The following GAR1 variants were observed in gnomAD, a reference collection of about 807,000 sequenced individuals.
The protein encoded by GAR1 is GAR1 ribonucleoprotein.
In GAR1, 11 loss-of-function variants were observed where a neutral mutation model predicts 29.3. The observed-to-expected ratio is 0.38, with a 90% CI of 0.24 to 0.62. The LOEUF (loss-of-function observed/expected upper bound fraction) is 0.62. Among genes scored for constraint, GAR1 ranks in the 20% least tolerant of loss-of-function variants. The pLI is 0.62. For synonymous variants in GAR1, 87 were observed against 93.3 expected (o/e 0.93, Z 0.39); for missense variants, 237 against 268.4 (o/e 0.88, Z 0.82).
At chr4:109,822,207 C>A in intron 4 of GAR1, 140 bp from the exon 5 acceptor site, 5 of 398,980 alleles carry the variant, frequency 1.3e-5, no homozygotes, top group East Asian at 5.1e-5. Context: ...GAAATTAAGT[C>A]TCTACCCAGG....
chr4:109,822,506 A>G lies in GAR1; in HGVS notation c.571+18A>G. On this transcript the variant is annotated intron_variant, in intron 5 of 6. Coordinates refer to ENST00000226796, the MANE Select transcript of GAR1 (RefSeq NM_018983.4). The stretch of plus-strand genomic sequence containing the variant: ...CAGAGGCGGTAAGTTACTTGGGGAA[A>G]ATTTCTAATGAAATTAACTGTGACT... 6.3e-7 allele frequency: 1 copy of G among 1,587,166 alleles called. No individual in the cohort carries two copies. Among genetic ancestry groups the G allele is most frequent in the East Asian group, 2.3e-5 (1 of 44,286 alleles).
chr4:109,817,816 G>T, intron 2 of GAR1, 120 bp from the exon 3 acceptor site: 1 of 711,438 alleles, frequency 1.4e-6, no homozygotes. Context: ...GTGGTCTTCT[G>T]CCTCAGAGGA....
chr4:109,822,497 C>G lies in GAR1; in HGVS notation c.571+9C>G. 1 of 1,588,892 alleles carries G rather than the reference C, an allele frequency of 6.3e-7. No individual in the cohort carries two copies. Among genetic ancestry groups the G allele is most frequent in the Non-Finnish European group, 8.5e-7 (1 of 1,172,280 alleles). Reference sequence around the variant, plus strand: ...AGGTGGTGGCAGAGGCGGTAAGTTACTTGGGGAAAATTTCTAATGAAATTA... The same window carrying G: ...AGGTGGTGGCAGAGGCGGTAAGTTAGTTGGGGAAAATTTCTAATGAAATTA... On this transcript the variant is annotated intron_variant, in intron 5 of 6. Coordinates refer to ENST00000226796, the MANE Select transcript of GAR1 (RefSeq NM_018983.4).
chr4:109,822,528 G>T (rs1437025519), intron 5 of GAR1, 40 bp downstream of exon 5: 2 of 1,570,790 alleles, frequency 1.3e-6, no homozygotes, highest in South Asian at 2.3e-5. Flanking sequence ...AATTAACTGT[G>T]ACTTTCACAG....
intron 3 of GAR1, among the ~76,000 whole-genome samples, chr4:109,818,453 CTCTTTCTCTCTTTCTT>C (rs1318652667): frequency 2.0e-5 from 3 of 151,804 alleles, no homozygotes; most frequent in South Asian, 4.1e-4. Context: ...CTCTCTTTTT[CTCTTTCTCTCTTTCTT>C]TCTTTCTCTC....
At chr4:109,819,890 G>A (rs887795652) in intron 4 of GAR1, among the ~76,000 whole-genome samples, 1 of 152,228 alleles carries the variant, frequency 6.6e-6, no homozygotes, top group Non-Finnish European at 1.5e-5. Flanking sequence ...GGTGGGGAAA[G>A]TTGTGAATTA....
intron 4 of GAR1, among the ~76,000 whole-genome samples, chr4:109,821,192 A>G (rs1400887376): frequency 6.6e-6 from 1 of 152,192 alleles, no homozygotes; most frequent in African/African-American, 2.4e-5. Context: ...TGCCCAGTAA[A>G]GTAGCTCTTA....
rs533198390 is a variant in GAR1, at chr4:109,818,913, C to G, written c.370-88C>G. The G allele has an allele frequency of 5.7e-6, 4 of 696,342 alleles. No individual in the cohort carries two copies. The East Asian group carries it at 9.9e-5, about 17-fold the overall frequency. The allele number at this position is 696,342 out of a possible 1,614,324, so 43.1% of individuals were successfully genotyped here. A position where few individuals can be genotyped will look rare whatever the true frequency, so the allele number is the denominator to read the frequency against. ...TCCTATATATATCCATACATTCTAA[C>G]CTTGTTTTTGAAATTATACATGAAT... On this transcript the variant is annotated intron_variant, in intron 3 of 6. Transcript: ENST00000226796.
At position 109,824,588 on chromosome 4, in the gene GAR1, G is replaced by A. The variant is rs1027141070; in HGVS notation, c.*157G>A. The A allele has an allele frequency of 9.5e-6, 6 of 629,160 alleles. No individual in the cohort carries two copies. In the East Asian group the frequency reaches 1.1e-4, roughly 12 times the overall value. The allele number at this position is 629,160 out of a possible 1,614,324, so 39.0% of individuals were successfully genotyped here. A position where few individuals can be genotyped will look rare whatever the true frequency, so the allele number is the denominator to read the frequency against. On this transcript the variant is annotated 3_prime_UTR_variant, in exon 7 of 7. Coordinates refer to ENST00000226796, the MANE Select transcript of GAR1 (RefSeq NM_018983.4). ...ATGTCAGCATCATGCAAAGTGCAAC[G>A]GAATAGTGAATTTTGCTCTAAAAGA...
At chr4:109,819,374 T>G in intron 4 of GAR1, 1 of 339,348 alleles carries the variant, frequency 2.9e-6, no homozygotes, top group South Asian at 3.3e-5. Context: ...AGGTAGAATC[T>G]TAATTTGTAA....
Position 109,816,240 on chromosome 4 carries a change from A to G in GAR1, c.76A>G (p.Ser26Gly). Residue 26 changes from serine to glycine, a missense_variant, in exon 2 of 7, where the codon AGC becomes GGC. Physicochemically the swap from Ser to Gly is moderately conservative, Grantham distance 56 (BLOSUM62 0). Transcript: ENST00000226796. ...TGGCGGCTTCAACCGAGGTGGCAGCAGCAACCACTTCCGAGGTGGAGGCGG... is the reference window on the plus strand; with the variant it reads ...TGGCGGCTTCAACCGAGGTGGCAGCGGCAACCACTTCCGAGGTGGAGGCGG... ...GGGGFNRGGS[S>G]NHFRGGGGGG... The G allele has an allele frequency of 6.2e-7, 1 of 1,609,804 alleles. No individual in the cohort carries two copies. The highest frequency in any genetic ancestry group is 8.5e-7 in the Non-Finnish European group (1 of 1,177,630).
At chr4:109,821,907 C>T (rs1181452363) in intron 4 of GAR1, among the ~76,000 whole-genome samples, 2 of 151,938 alleles carry the variant, frequency 1.3e-5, no homozygotes, top group Non-Finnish European at 2.9e-5. Flanking sequence ...GAAAACCAAA[C>T]ACCACATGTT....
intron 5 of GAR1, 95 bp downstream of exon 5, chr4:109,822,583 C>T: frequency 7.9e-7 from 1 of 1,273,820 alleles, no homozygotes. Flanking sequence ...GCAAACCTCC[C>T]TTATGGTTCT....
chr4:109,823,640 A>G (rs901587584), intron 5 of GAR1, among the ~76,000 whole-genome samples: 7 of 152,214 alleles, frequency 4.6e-5, no homozygotes, highest in Admixed American at 4.6e-4. Context: ...AGTATTTATC[A>G]TAAGCAAGAG....
At chr4:109,818,205 C>T (rs1733405023) in intron 3 of GAR1, 115 bp downstream of exon 3, 1 of 697,586 alleles carries the variant, frequency 1.4e-6, no homozygotes, top group East Asian at 2.6e-5. Context: ...GACAGGATTG[C>T]TACAGATTGG....
chr4:109,819,071 CT>C lies in GAR1; in HGVS notation c.429+13del. Reference sequence around the variant, plus strand: ...AAAAAACTACAGAAGGTGAGTCAAACTTATGATACTTGGGATCCTTGGTTTT... The same window carrying C: ...AAAAAACTACAGAAGGTGAGTCAAACTATGATACTTGGGATCCTTGGTTTT... On this transcript the variant is annotated intron_variant, in intron 4 of 6. Coordinates refer to ENST00000226796, the MANE Select transcript of GAR1 (RefSeq NM_018983.4). 1 of 1,405,898 alleles carries C rather than the reference CT, an allele frequency of 7.1e-7. No homozygotes were observed. Among genetic ancestry groups the C allele is most frequent in the Non-Finnish European group, 1.0e-6 (1 of 990,402 alleles). 87.1% of individuals were successfully genotyped at this position (1,405,898 alleles called of 1,614,324 possible).
intron 1 of GAR1, 134 bp from the exon 2 acceptor site, chr4:109,816,018 TG>T: frequency 1.2e-6 from 1 of 846,428 alleles, no homozygotes; most frequent in Non-Finnish European, 2.0e-6. Flanking sequence ...TGGTGGTCAC[TG>T]GCTGTCTGAC....
At chr4:109,821,453 T>G (rs773583812) in intron 4 of GAR1, among the ~76,000 whole-genome samples, 3 of 152,230 alleles carry the variant, frequency 2.0e-5, no homozygotes, top group Non-Finnish European at 2.9e-5. Flanking sequence ...GTGTGTTTTA[T>G]GTAGAAGAAC....
At chr4:109,822,574 C>G in intron 5 of GAR1, 86 bp downstream of exon 5, 1 of 1,383,412 alleles carries the variant, frequency 7.2e-7, no homozygotes, top group Non-Finnish European at 9.5e-7. Context: ...TTGTACATAG[C>G]AAACCTCCCT....
Sources: allele counts gnomAD v4.1 joint callset (sites outside exome capture counted in the v4.1 genomes callset), GRCh38; gene constraint gnomAD v4.1.1; transcripts MANE v1.5; gene names NCBI Gene and HGNC (gene_info 2026-07-23, HGNC 2026-07-21).